The following PPP1R9A variants were observed in gnomAD, a reference collection of about 807,000 sequenced individuals.
PPP1R9A encodes the protein neurabin-1.
Under a neutral mutation model 141.9 loss-of-function variants are expected in PPP1R9A, and 59 were observed. The ratio of observed to expected loss-of-function variants is 0.42; its 90% CI spans 0.34 to 0.52. The LOEUF (loss-of-function observed/expected upper bound fraction) is 0.52. Ranked by LOEUF, PPP1R9A falls within the 20% of genes least tolerant of loss-of-function variation. PPP1R9A has a pLI of 0.10. For synonymous variants in PPP1R9A, 500 were observed against 569.7 expected (o/e 0.88, Z 1.74); for missense variants, 1,444 against 1,611.9 (o/e 0.90, Z 1.78).
chr7:95,204,622 A>C (rs1319886406), intron 7 of PPP1R9A, among the ~76,000 whole-genome samples: 1 of 148,078 alleles, frequency 6.8e-6, no homozygotes, highest in Non-Finnish European at 1.5e-5. Context: ...CACACACCAC[A>C]CTCACACCAC....
chr7:95,153,063 T>C (rs1387189005), intron 4 of PPP1R9A, among the ~76,000 whole-genome samples: 1 of 152,100 alleles, frequency 6.6e-6, no homozygotes, highest in African/African-American at 2.4e-5. Flanking sequence ...TTGGCCAGGC[T>C]GGTCTCGAAC....
At chr7:94,984,840 T>C (rs1207617493) in intron 2 of PPP1R9A, among the ~76,000 whole-genome samples, 11 of 152,170 alleles carry the variant, frequency 7.2e-5, no homozygotes, top group Non-Finnish European at 1.6e-4. Context: ...CCTTCAGTTC[T>C]TTTCTGATCT....
intron 2 of PPP1R9A, among the ~76,000 whole-genome samples, chr7:95,074,473 T>G (rs1435280609): frequency 1.4e-4 from 15 of 109,318 alleles, no homozygotes; most frequent in African/African-American, 4.9e-4. Flanking sequence ...TTGTTTTTTT[T>G]TTTTTTGTTG....
At chr7:95,047,455 T>C (rs902593156) in intron 2 of PPP1R9A, among the ~76,000 whole-genome samples, 3 of 152,218 alleles carry the variant, frequency 2.0e-5, no homozygotes, top group African/African-American at 7.2e-5. Flanking sequence ...CAGGATCTTT[T>C]TCTGTCTGTT....
chr7:95,025,552 G>A (rs1244264009), intron 2 of PPP1R9A, among the ~76,000 whole-genome samples: 1 of 152,060 alleles, frequency 6.6e-6, no homozygotes, highest in Non-Finnish European at 1.5e-5. Context: ...TATGTGTCTT[G>A]CAGTTGCTCT....
chr7:95,021,849 A>G (rs543520326), intron 2 of PPP1R9A, among the ~76,000 whole-genome samples: 19 of 152,274 alleles, frequency 1.2e-4, no homozygotes, highest in Admixed American at 1.2e-3. Flanking sequence ...TTGTACCAGT[A>G]CCATGCTGTT....
intron 2 of PPP1R9A, among the ~76,000 whole-genome samples, chr7:95,077,323 T>G (rs1179808725): frequency 6.6e-6 from 1 of 152,194 alleles, no homozygotes; most frequent in Non-Finnish European, 1.5e-5. Flanking sequence ...AATCTGTGAT[T>G]TTTAAAAATC....
chr7:95,200,452 A>T (rs1313769725), intron 6 of PPP1R9A, among the ~76,000 whole-genome samples: 4 of 148,258 alleles, frequency 2.7e-5, no homozygotes, highest in Admixed American at 6.8e-5. Flanking sequence ...AAAAAAAAAA[A>T]TTTTTTTTTT....
At chr7:94,962,672 A>C (rs1489674252) in intron 2 of PPP1R9A, among the ~76,000 whole-genome samples, 1 of 152,172 alleles carries the variant, frequency 6.6e-6, no homozygotes, top group East Asian at 1.9e-4. Flanking sequence ...CACATTAAAA[A>C]ATACATTGAA....
intron 13 of PPP1R9A, among the ~76,000 whole-genome samples, chr7:95,268,991 C>T (rs573208906): frequency 4.6e-5 from 7 of 152,052 alleles, no homozygotes; most frequent in South Asian, 2.1e-4. Context: ...AAATAATGAA[C>T]GTACAAGTAA....
chr7:95,240,946 A>G (rs989492539), intron 8 of PPP1R9A, among the ~76,000 whole-genome samples: 2 of 17,508 alleles, frequency 1.1e-4, no homozygotes, highest in African/African-American at 6.3e-4. Context: ...AAAATCTTTT[A>G]GTAGGTTAGT....
intron 2 of PPP1R9A, among the ~76,000 whole-genome samples, chr7:94,929,489 A>T (rs1391974958): frequency 6.6e-6 from 1 of 152,218 alleles, no homozygotes; most frequent in Non-Finnish European, 1.5e-5. Context: ...AAGAGAAAAA[A>T]ATGCTGTCTT....
rs34210406 is a variant in PPP1R9A, at chr7:95,100,844, A to ATT, written c.1396-10390_1396-10389dup. On this transcript the variant is annotated intron_variant, in intron 2 of 19. Coordinates refer to ENST00000433360, the MANE Select transcript of PPP1R9A (RefSeq NM_001166160.2). ...GACACATCCCCAGGTTCTTTGTCTG[A>ATT]TTTTTTTTTTTTTTTTTTTTTTTTT... is the stretch of plus-strand genomic sequence containing the variant. 2.4e-3 allele frequency among the ~76,000 whole-genome samples: 168 copies of ATT among 70,164 alleles called. 6 individuals are homozygous for ATT. The highest frequency in any genetic ancestry group is 5.8e-3 in the East Asian group (12 of 2,086). The allele number at this position is 70,164 out of a possible 152,430, so 46.0% of individuals were successfully genotyped here.
At chr7:95,159,118 T>C (rs925942917) in intron 4 of PPP1R9A, among the ~76,000 whole-genome samples, 1 of 152,190 alleles carries the variant, frequency 6.6e-6, no homozygotes, top group Admixed American at 6.5e-5. Context: ...TTATTATACC[T>C]AAATTGGAAA....
chr7:95,130,502 G>C (rs934603701), intron 4 of PPP1R9A, among the ~76,000 whole-genome samples: 5 of 152,188 alleles, frequency 3.3e-5, no homozygotes, highest in Non-Finnish European at 7.3e-5. Context: ...TGTGGGGTCA[G>C]AGCCCCCACA....
intron 12 of PPP1R9A, among the ~76,000 whole-genome samples, chr7:95,260,588 A>G (rs1387892407): frequency 6.6e-6 from 1 of 151,568 alleles, no homozygotes; most frequent in African/African-American, 2.4e-5. Context: ...CTGAGATGGG[A>G]GAATCACCTG....
At chr7:95,118,892 G>C (rs1282109100) in intron 3 of PPP1R9A, among the ~76,000 whole-genome samples, 1 of 151,320 alleles carries the variant, frequency 6.6e-6, no homozygotes, top group Non-Finnish European at 1.5e-5. Context: ...TGAGGTGGGA[G>C]GATCACCAGA....
intron 2 of PPP1R9A, among the ~76,000 whole-genome samples, chr7:94,936,854 GTAAT>G (rs1460113669): frequency 6.6e-6 from 1 of 152,050 alleles, no homozygotes; most frequent in Non-Finnish European, 1.5e-5. Flanking sequence ...CTTTGGGCAA[GTAAT>G]TTCTCTAGTT....
intron 16 of PPP1R9A, among the ~76,000 whole-genome samples, chr7:95,275,780 G>A (rs568868746): frequency 6.6e-6 from 1 of 152,228 alleles, no homozygotes; most frequent in African/African-American, 2.4e-5. Flanking sequence ...GTGAGAAATT[G>A]TACCTTCTTC....
Sources: allele counts gnomAD v4.1 joint callset (sites outside exome capture counted in the v4.1 genomes callset), GRCh38; gene constraint gnomAD v4.1.1; transcripts MANE v1.5; gene names NCBI Gene and HGNC (gene_info 2026-07-23, HGNC 2026-07-21).